TENM3: variants seen among roughly 807,000 people sequenced by gnomAD.
TENM3 encodes teneurin-3.
Under a neutral mutation model 255.1 loss-of-function variants are expected in TENM3, and 63 were observed. The observed-to-expected ratio is 0.25, with a 90% confidence interval of 0.20 to 0.30. The LOEUF (loss-of-function observed/expected upper bound fraction) is 0.30. TENM3 is among the 10% of genes least tolerant of loss of function. The pLI is 1.00. For missense variants in TENM3, 2,929 were observed against 3,461.1 expected (o/e 0.85, Z 3.86); for synonymous variants, 1,306 against 1,322.3 (o/e 0.99, Z 0.27).
chr4:181,616,504 T>C, the TENM3 span, among the ~76,000 whole-genome samples: 1 of 149,622 alleles, frequency 6.7e-6, no homozygotes, highest in African/African-American at 2.4e-5. Flanking sequence ...ATCCATATAA[T>C]ATTATAATAA....
At chr4:182,457,558 C>CTTT (rs768197836) in intron 3 of TENM3, among the ~76,000 whole-genome samples, 7,759 of 114,916 alleles carry the variant, frequency 0.068, 653 homozygotes, top group African/African-American at 0.14. Context: ...TCATGTATAT[C>CTTT]TTTTTTTTTT....
chr4:182,041,456 G>T, the TENM3 span, among the ~76,000 whole-genome samples: 7 of 152,064 alleles, frequency 4.6e-5, no homozygotes, highest in Non-Finnish European at 1.0e-4. Context: ...ATAAAATAAA[G>T]CTCAGCTTAA....
the TENM3 span, among the ~76,000 whole-genome samples, chr4:181,901,346 G>A: frequency 5.3e-5 from 8 of 152,230 alleles, no homozygotes; most frequent in Non-Finnish European, 8.8e-5. Flanking sequence ...TCTGCCACAA[G>A]GGAAAAACCC....
intron 3 of TENM3, among the ~76,000 whole-genome samples, chr4:182,406,014 AC>A (rs148600324): frequency 0.014 from 2,133 of 152,302 alleles, 57 homozygotes; most frequent in African/African-American, 0.049. Context: ...TGCAGGACGA[AC>A]TGGACTCACA....
intron 24 of TENM3, among the ~76,000 whole-genome samples, chr4:182,784,031 C>T (rs1008138889): frequency 9.2e-5 from 14 of 152,198 alleles, no homozygotes; most frequent in Non-Finnish European, 1.6e-4. Context: ...GTAATTTGAT[C>T]GTCTGACGCC....
At chr4:182,189,175 A>G (rs1051508336) in intron 1 of TENM3, among the ~76,000 whole-genome samples, 2 of 151,976 alleles carry the variant, frequency 1.3e-5, no homozygotes, top group Non-Finnish European at 2.9e-5. Context: ...TTTTCACTTG[A>G]TAAAGTGTAA....
the TENM3 span, among the ~76,000 whole-genome samples, chr4:181,920,251 T>A: frequency 6.6e-6 from 1 of 152,060 alleles, no homozygotes; most frequent in South Asian, 2.1e-4. Context: ...ATATACCCAG[T>A]AATGGGTTGG....
intron 16 of TENM3, among the ~76,000 whole-genome samples, chr4:182,735,356 G>A (rs553220705): frequency 2.0e-4 from 30 of 152,200 alleles, no homozygotes; most frequent in Middle Eastern, 3.4e-3. Context: ...AGCTTCCTTC[G>A]TCCATTCATT....
intron 1 of TENM3, among the ~76,000 whole-genome samples, chr4:182,246,815 C>A (rs2150094787): frequency 6.6e-6 from 1 of 152,330 alleles, no homozygotes; most frequent in Middle Eastern, 3.4e-3. Flanking sequence ...GATGAACTCA[C>A]TTTCTAGGGA....
In TENM3 at chr4:182,673,093, C is replaced by T. The variant is rs748075379; in HGVS notation, c.1200C>T (p.Pro400=). ...IGRRAIQEIP[P]GIFWRSQLFI... ...GAAGAGCAATTCAAGAGATTCCTCC[C>T]GGGATCTTCTGGAGATCACAGCTCT... Residue 400 remains proline (P), a synonymous_variant, in exon 7 of 28, where the codon CCC becomes CCT. Coordinates refer to ENST00000511685, the MANE Select transcript of TENM3 (RefSeq NM_001080477.4). 21 of 1,612,576 alleles carry T rather than the reference C, an allele frequency of 1.3e-5. No homozygotes were observed. The highest frequency in any genetic ancestry group is 4.0e-5 in the African/African-American group (3 of 74,888).
chr4:182,420,493 C>A (rs1259270093), intron 3 of TENM3, among the ~76,000 whole-genome samples: 2 of 152,212 alleles, frequency 1.3e-5, no homozygotes, highest in African/African-American at 4.8e-5. Flanking sequence ...CTCCACGACT[C>A]TTCTGTGAAA....
chr4:182,206,636 T>G (rs1181352664), intron 1 of TENM3, among the ~76,000 whole-genome samples: 1 of 152,178 alleles, frequency 6.6e-6, no homozygotes, highest in East Asian at 1.9e-4. Flanking sequence ...ACCTTTCGTG[T>G]TTTGTGCTTG....
At chr4:182,697,322 G>T (rs1757503765) in intron 12 of TENM3, among the ~76,000 whole-genome samples, 1 of 152,186 alleles carries the variant, frequency 6.6e-6, no homozygotes, top group Non-Finnish European at 1.5e-5. Flanking sequence ...GATGCCTCAT[G>T]ATCTGTCATT....
chr4:181,739,290 C>T, the TENM3 span, among the ~76,000 whole-genome samples: 5 of 152,084 alleles, frequency 3.3e-5, no homozygotes, highest in African/African-American at 4.8e-5. Context: ...GTCCAAATGT[C>T]GAAACCAATG....
chr4:181,887,253 A>T, the TENM3 span, among the ~76,000 whole-genome samples: 2 of 148,450 alleles, frequency 1.3e-5, no homozygotes, highest in Admixed American at 6.7e-5. Context: ...TACCTGTGTG[A>T]TTTTTTTTTT....
At chr4:181,601,756 T>C in the TENM3 span, among the ~76,000 whole-genome samples, 1 of 152,186 alleles carries the variant, frequency 6.6e-6, no homozygotes, top group African/African-American at 2.4e-5. Context: ...TGGGCTCATA[T>C]GAACTTAATG....
chr4:181,529,960 A>C, the TENM3 span, among the ~76,000 whole-genome samples: 1 of 152,218 alleles, frequency 6.6e-6, no homozygotes, highest in Non-Finnish European at 1.5e-5. Context: ...CATGAAACAA[A>C]GAGAAACTAA....
At chr4:181,926,021 A>G in the TENM3 span, among the ~76,000 whole-genome samples, 95 of 152,350 alleles carry the variant, frequency 6.2e-4, no homozygotes, top group African/African-American at 2.2e-3. Context: ...CCAAAGTCAC[A>G]TGACCTCACC....
chr4:182,003,818 T>C, the TENM3 span, among the ~76,000 whole-genome samples: 1 of 152,160 alleles, frequency 6.6e-6, no homozygotes, highest in Non-Finnish European at 1.5e-5. Flanking sequence ...TTATAGTTCT[T>C]TGAATTTGAA....
Sources: allele counts gnomAD v4.1 joint callset (sites outside exome capture counted in the v4.1 genomes callset), GRCh38; gene constraint gnomAD v4.1.1; transcripts MANE v1.5; gene names NCBI Gene and HGNC (gene_info 2026-07-23, HGNC 2026-07-21).